Variants in ASTN1 observed in about 807,000 individuals in gnomAD.
The protein encoded by ASTN1 is astrotactin 1, also known as astrotactin-1.
In ASTN1, 41 loss-of-function variants were observed where a neutral mutation model predicts 140.7. The ratio of observed to expected loss-of-function variants is 0.29; its 90% CI spans 0.23 to 0.38. The LOEUF is 0.38. ASTN1 is among the 10% of genes least tolerant of loss of function. The probability of loss-of-function intolerance (pLI) is 1.00; values close to 1 mark genes in which losing one functional copy is unlikely to be tolerated. For missense variants in ASTN1, 1,479 were observed against 1,678.8 expected, an observed-to-expected ratio of 0.88 and a Z score of 2.08; for synonymous variants, 640 against 652.2, an observed-to-expected ratio of 0.98 and a Z score of 0.29.
chr1:177,060,123 A>C (rs1678013447), intron 2 of ASTN1, among the ~76,000 whole-genome samples: 2 of 152,236 alleles, frequency 1.3e-5, no homozygotes, highest in South Asian at 2.1e-4. Context: ...TCAGTAAAAA[A>C]AACAACACTA....
chr1:177,000,016 G>C (rs186736519), intron 8 of ASTN1, among the ~76,000 whole-genome samples: 2 of 152,230 alleles, frequency 1.3e-5, no homozygotes, highest in African/African-American at 4.8e-5. Flanking sequence ...TAATTAAATT[G>C]GCAAATTACA....
chr1:176,868,571 C>CA lies in ASTN1; in HGVS notation c.3647+272dup, dbSNP rs1668214177. On this transcript the variant is annotated intron_variant, in intron 22 of 22. Coordinates refer to ENST00000361833, the MANE Select transcript of ASTN1 (RefSeq NM_004319.3). ...TCTTTGAGTTTTAGGGTTTGGAATG[C>CA]AATGTCAACATGATAAAAAAGGAGG... Among the ~76,000 whole-genome samples the CA allele has an allele frequency of 2.6e-5, 4 of 152,082 alleles. No homozygotes were observed. In the South Asian group the frequency reaches 8.3e-4, roughly 32 times the overall value.
At chr1:176,930,198 A>G (rs1671147419) in intron 16 of ASTN1, among the ~76,000 whole-genome samples, 1 of 152,168 alleles carries the variant, frequency 6.6e-6, no homozygotes, top group Non-Finnish European at 1.5e-5. Context: ...GAATGTGGAG[A>G]GTAAAGAGGA....
At chr1:177,035,623 C>G (rs1256567990) in intron 2 of ASTN1, among the ~76,000 whole-genome samples, 1 of 152,190 alleles carries the variant, frequency 6.6e-6, no homozygotes, top group African/African-American at 2.4e-5. Flanking sequence ...TACCATTAGG[C>G]CTTCAACTGA....
intron 1 of ASTN1, among the ~76,000 whole-genome samples, chr1:177,067,960 C>A (rs1454936638): frequency 6.6e-6 from 1 of 152,122 alleles, no homozygotes; most frequent in African/African-American, 2.4e-5. Context: ...GTACGGAGTT[C>A]TTAAGTGCTA....
intron 1 of ASTN1, among the ~76,000 whole-genome samples, chr1:177,079,559 C>G (rs1679079811): frequency 1.3e-5 from 2 of 152,034 alleles, no homozygotes; most frequent in Admixed American, 1.3e-4. Flanking sequence ...CATCCTTTTC[C>G]CATTGTTCTC....
At chr1:176,980,392 T>C (rs1297599093) in intron 8 of ASTN1, among the ~76,000 whole-genome samples, 9 of 151,900 alleles carry the variant, frequency 5.9e-5, no homozygotes, top group Admixed American at 5.9e-4. Flanking sequence ...TGACAAGAAA[T>C]GAGTAAGAAG....
intron 8 of ASTN1, among the ~76,000 whole-genome samples, chr1:177,008,499 C>CAGGAAGAGAGAGAGGGAGAT (rs1320647113): frequency 1.1e-4 from 13 of 116,926 alleles, no homozygotes; most frequent in Non-Finnish European, 2.3e-4. Flanking sequence ...GAGAGGGAGA[C>CAGGAAGAGAGAGAGGGAGAT]AGGAAGAGAG....
chr1:176,868,475 T>C (rs949585424), intron 22 of ASTN1, among the ~76,000 whole-genome samples: 1 of 152,138 alleles, frequency 6.6e-6, no homozygotes, highest in African/African-American at 2.4e-5. Flanking sequence ...AAAACCTAAA[T>C]GCAAAAAAAA....
At chr1:176,987,617 C>G (rs1024488421) in intron 8 of ASTN1, among the ~76,000 whole-genome samples, 1 of 152,224 alleles carries the variant, frequency 6.6e-6, no homozygotes, top group African/African-American at 2.4e-5. Flanking sequence ...CCACTATTCC[C>G]TGAATAAGCT....
chr1:176,902,881 A>G (rs995215540), intron 16 of ASTN1, among the ~76,000 whole-genome samples: 48 of 152,338 alleles, frequency 3.2e-4, no homozygotes, highest in African/African-American at 1.1e-3. Context: ...CAGCCCATGC[A>G]TCTTAAGAGG....
intron 16 of ASTN1, among the ~76,000 whole-genome samples, chr1:176,919,971 A>T (rs1670662179): frequency 1.3e-5 from 2 of 152,156 alleles, no homozygotes; most frequent in Admixed American, 6.5e-5. Context: ...TAACTGGCAG[A>T]TTTATCGAGA....
chr1:177,139,804 A>G (rs772216733), intron 1 of ASTN1, among the ~76,000 whole-genome samples: 6 of 152,026 alleles, frequency 3.9e-5, no homozygotes, highest in Non-Finnish European at 8.8e-5. Flanking sequence ...AACATTCCCA[A>G]CCGGATGGGT....
chr1:177,092,051 A>G (rs1351042139), intron 1 of ASTN1, among the ~76,000 whole-genome samples: 1 of 152,102 alleles, frequency 6.6e-6, no homozygotes, highest in Non-Finnish European at 1.5e-5. Flanking sequence ...TGGTAATTCT[A>G]TGTTTAACTT....
chr1:176,925,188 G>GC (rs1276976299), intron 16 of ASTN1, among the ~76,000 whole-genome samples: 2 of 152,084 alleles, frequency 1.3e-5, no homozygotes, highest in African/African-American at 4.8e-5. Context: ...CGCAGGATAG[G>GC]CCTCCTGCCT....
chr1:176,890,127 C>T (rs1669199945), intron 17 of ASTN1, among the ~76,000 whole-genome samples: 1 of 152,148 alleles, frequency 6.6e-6, no homozygotes. Context: ...ACCTGTGGCC[C>T]CTGTCTGCAT....
intron 1 of ASTN1, among the ~76,000 whole-genome samples, chr1:177,164,048 A>G (rs1647547506): frequency 6.6e-6 from 1 of 151,940 alleles, no homozygotes; most frequent in Admixed American, 6.6e-5. Flanking sequence ...GGATTATGGG[A>G]GTTGAACTGG....
chr1:176,994,106 C>A (rs538101803), intron 8 of ASTN1, among the ~76,000 whole-genome samples: 1 of 151,472 alleles, frequency 6.6e-6, no homozygotes, highest in South Asian at 2.1e-4. Flanking sequence ...CACCCCACCC[C>A]CCCCGCCACC....
intron 1 of ASTN1, among the ~76,000 whole-genome samples, chr1:177,102,323 A>G (rs1352703655): frequency 1.3e-5 from 2 of 152,204 alleles, no homozygotes; most frequent in Non-Finnish European, 2.9e-5. Flanking sequence ...ATTTATACAG[A>G]GAAGGAAGCA....
Sources: gnomAD v4.1 joint callset for allele counts (sites outside exome capture counted in the v4.1 genomes callset) on GRCh38, gnomAD v4.1.1 for gene constraint, MANE v1.5 for transcripts, NCBI Gene and HGNC (gene_info 2026-07-23, HGNC 2026-07-21) for gene names.